The following ITGB8 variants were observed in gnomAD, a reference collection of about 807,000 sequenced individuals.
The protein encoded by ITGB8 is integrin beta-8.
Under a neutral mutation model 89.5 loss-of-function variants are expected in ITGB8, and 30 were observed. The ratio of observed to expected loss-of-function variants is 0.34; its 90% CI spans 0.25 to 0.45. ITGB8 has a LOEUF of 0.45. Among genes scored for constraint, ITGB8 ranks in the 20% least tolerant of loss-of-function variants. The pLI is 1.00. For missense variants in ITGB8, 836 were observed against 933.3 expected (o/e 0.90, Z 1.36); for synonymous variants, 335 against 320.4 (o/e 1.05, Z -0.49).
intron 6 of ITGB8, among the ~76,000 whole-genome samples, chr7:20,386,405 A>ATTTTTTTTTTTT (rs759304002): frequency 3.7e-5 from 3 of 80,370 alleles, no homozygotes; most frequent in African/African-American, 5.5e-5. Flanking sequence ...CACCTGGCTA[A>ATTTTTTTTTTTT]TTTTTTTTTT....
chr7:20,372,619 G>T (rs1364303609), intron 3 of ITGB8, among the ~76,000 whole-genome samples: 2 of 152,196 alleles, frequency 1.3e-5, no homozygotes, highest in Non-Finnish European at 2.9e-5. Context: ...ATCAACAGGA[G>T]ATGGTAAGTG....
At chr7:20,339,750 A>C (rs1157699110) in intron 1 of ITGB8, among the ~76,000 whole-genome samples, 1 of 152,214 alleles carries the variant, frequency 6.6e-6, no homozygotes, top group African/African-American at 2.4e-5. Context: ...ATTTTAGGCC[A>C]GGCGCGGTGG....
rs1383744384 is a variant in ITGB8, at chr7:20,331,475, C to T, written c.-332C>T. The stretch of plus-strand genomic sequence containing the variant: ...CACCGGCTGGAGAGAAACAAAAGCT[C>T]TTTTCTTTGTCCCGGAGCAGGCTGC... On this transcript the variant is annotated 5_prime_UTR_variant, in exon 1 of 14. Coordinates refer to ENST00000222573, the MANE Select transcript of ITGB8 (RefSeq NM_002214.3). The T allele has an allele frequency of 9.6e-6, 4 of 417,100 alleles. No homozygotes were observed. Among genetic ancestry groups the T allele is most frequent in the African/African-American group, 8.2e-5 (4 of 48,650 alleles). The allele number at this position is 417,100 out of a possible 1,614,324, so 25.8% of individuals were successfully genotyped here.
At chr7:20,342,065 C>G (rs1048936082) in intron 1 of ITGB8, among the ~76,000 whole-genome samples, 4 of 152,080 alleles carry the variant, frequency 2.6e-5, no homozygotes, top group African/African-American at 9.7e-5. Context: ...TTATCAATTC[C>G]TTTGGGATTA....
chr7:20,401,825 T>C lies in ITGB8; in HGVS notation c.1386T>C (p.His462=), dbSNP rs772446588. The change falls in exon 10 of 14, where the codon CAT becomes CAC. Residue 462 remains histidine (H), a synonymous_variant. Coordinates refer to ENST00000222573, the MANE Select transcript of ITGB8 (RefSeq NM_002214.3). ...PIGFNETAKI[H]IHRNCSCQCE... ...GTTTTAATGAAACCGCTAAAATTCA[T>C]ATACACAGAAACTGCAGCTGTCAGT... The C allele has an allele frequency of 4.3e-6, 7 of 1,613,664 alleles. No individual in the cohort carries two copies. In the Admixed American group the frequency reaches 1.0e-4, roughly 23 times the overall value.
chr7:20,360,348 A>ATTATTTTTTTT (rs1785451195), intron 1 of ITGB8, among the ~76,000 whole-genome samples: 1 of 127,722 alleles, frequency 7.8e-6, no homozygotes, highest in African/African-American at 3.0e-5. Context: ...CAGTCCTTTA[A>ATTATTTTTTTT]TTTTTTTTTT....
At chr7:20,407,750 A>T (rs118043807) in intron 12 of ITGB8, among the ~76,000 whole-genome samples, 41 of 152,338 alleles carry the variant, frequency 2.7e-4, no homozygotes, top group South Asian at 2.3e-3. Flanking sequence ...AGTAAACACT[A>T]CTTTGACTTA....
At chr7:20,372,716 TA>T (rs1350857527) in intron 3 of ITGB8, among the ~76,000 whole-genome samples, 1 of 152,196 alleles carries the variant, frequency 6.6e-6, no homozygotes, top group Non-Finnish European at 1.5e-5. Flanking sequence ...TTGATTTTAT[TA>T]AATTTCCCAT....
chr7:20,336,024 G>C (rs1210369416), intron 1 of ITGB8, among the ~76,000 whole-genome samples: 2 of 9,130 alleles, frequency 2.2e-4, no homozygotes, highest in Non-Finnish European at 5.2e-4. Context: ...TTTTTTTTTT[G>C]AGACGGAGTC....
At chr7:20,348,336 C>A (rs185575406) in intron 1 of ITGB8, among the ~76,000 whole-genome samples, 1 of 152,268 alleles carries the variant, frequency 6.6e-6, no homozygotes, top group Non-Finnish European at 1.5e-5. Context: ...CATAAGGCAG[C>A]CTCAGATAAT....
At position 20,395,612 on chromosome 7, in the gene ITGB8, G is replaced by A. The variant is rs117591397; in HGVS notation, c.1146+627G>A. Among the ~76,000 whole-genome samples the A allele has an allele frequency of 9.5e-3, 1,449 of 152,256 alleles. 9 individuals are homozygous for A. Among genetic ancestry groups the A allele is most frequent in the Non-Finnish European group, 0.016 (1,077 of 68,024 alleles). On this transcript the variant is annotated intron_variant, in intron 8 of 13. Transcript: ENST00000222573. Reference sequence around the variant, plus strand: ...AGAAACATCTGTTCTTTCAACCTGCGTCATTCCTGAATAGAACCACCTCTG... The same window carrying A: ...AGAAACATCTGTTCTTTCAACCTGCATCATTCCTGAATAGAACCACCTCTG...
At chr7:20,339,672 T>C (rs984393510) in intron 1 of ITGB8, among the ~76,000 whole-genome samples, 7 of 152,238 alleles carry the variant, frequency 4.6e-5, no homozygotes, top group Non-Finnish European at 7.3e-5. Flanking sequence ...TTATCAGATA[T>C]ATACTTTTAA....
chr7:20,343,566 A>T (rs780768043), intron 1 of ITGB8, among the ~76,000 whole-genome samples: 3 of 152,212 alleles, frequency 2.0e-5, no homozygotes, highest in Non-Finnish European at 4.4e-5. Flanking sequence ...AATTGCAAGT[A>T]TTAAGTAATT....
chr7:20,331,552 G>T lies in ITGB8; in HGVS notation c.-255G>T. On this transcript the variant is annotated 5_prime_UTR_variant, in exon 1 of 14. The change creates a premature stop within an existing upstream ORF in the 5' untranslated region. Transcript: ENST00000222573. ...GTCGCCGCCGGGGCCCTTGGCCGTC[G>T]AAGGAGGTGCTTCTCGCGGAGACCG... The T allele has an allele frequency of 2.2e-6, 1 of 448,084 alleles. No homozygotes were observed. The highest frequency in any genetic ancestry group is 3.9e-6 in the Non-Finnish European group (1 of 259,682). 27.8% of individuals were successfully genotyped at this position (448,084 alleles called of 1,614,324 possible).
At chr7:20,358,284 T>C (rs10251386) in intron 1 of ITGB8, among the ~76,000 whole-genome samples, 35,598 of 152,032 alleles carry the variant, frequency 0.23, 4,755 homozygotes, top group Non-Finnish European at 0.29. Flanking sequence ...TTTCTCTAGA[T>C]GGGAGATAGC....
At chr7:20,349,415 C>T (rs896229744) in intron 1 of ITGB8, among the ~76,000 whole-genome samples, 3 of 151,688 alleles carry the variant, frequency 2.0e-5, no homozygotes, top group African/African-American at 7.3e-5. Context: ...CCTAATAGTA[C>T]TAATTACTAA....
intron 6 of ITGB8, 110 bp downstream of exon 6, chr7:20,381,995 A>T (rs1350906735): frequency 1.1e-6 from 1 of 888,246 alleles, no homozygotes; most frequent in Admixed American, 2.4e-5. Context: ...AAAGAAAGAT[A>T]CAGAACAAGG....
chr7:20,409,923 C>T lies in ITGB8; in HGVS notation c.2236C>T (p.Arg746Cys), dbSNP rs747343754. Residue 746 changes from arginine to cysteine, a missense_variant, in exon 14 of 14, where the codon CGT becomes TGT. Around this residue, in one of 5 missense-constraint regions of ITGB8, gnomAD observed 422 missense variants for 416.9 expected, o/e 1.01. Coordinates refer to ENST00000222573, the MANE Select transcript of ITGB8 (RefSeq NM_002214.3). ...TTGCACAAGAGCAGTCACCTACCGA[C>T]GTGAGAAGCCTGAAGAAATAAAAAT... ...SVCTRAVTYR[R>C]EKPEEIKMDI... is the part of the protein sequence containing the mutation. 204 of 1,613,302 alleles carry T rather than the reference C, an allele frequency of 1.3e-4. No individual in the cohort carries two copies. The highest frequency in any genetic ancestry group is 9.3e-5 in the Non-Finnish European group (110 of 1,179,556).
intron 1 of ITGB8, among the ~76,000 whole-genome samples, chr7:20,345,780 G>C (rs558725263): frequency 6.6e-6 from 1 of 152,256 alleles, no homozygotes; most frequent in East Asian, 1.9e-4. Flanking sequence ...GCAGTTACTG[G>C]TAATTACAAG....
Sources: gnomAD v4.1 joint callset for allele counts (sites outside exome capture counted in the v4.1 genomes callset) on GRCh38, gnomAD v4.1.1 for gene constraint, gnomAD v4.1.1 regional missense constraint, MANE v1.5 for transcripts, NCBI Gene and HGNC (gene_info 2026-07-23, HGNC 2026-07-21) for gene names.